The following ABCD2 variants were observed in gnomAD, a reference collection of about 807,000 sequenced individuals.
ABCD2 encodes the protein ATP-binding cassette sub-family D member 2.
Under a neutral mutation model 70.9 loss-of-function variants are expected in ABCD2, and 36 were observed. That is an observed-to-expected ratio of 0.51 (90% CI 0.39 to 0.67). ABCD2 has a LOEUF of 0.67. Among genes scored for constraint, ABCD2 ranks in the 30% least tolerant of loss-of-function variants. The pLI is 0.00. For missense variants in ABCD2, 729 were observed against 890.2 expected, an observed-to-expected ratio of 0.82 and a Z score of 2.30; for synonymous variants, 304 against 306.9, an observed-to-expected ratio of 0.99 and a Z score of 0.10.
chr12:39,614,555 T>TC (rs1342771857), intron 2 of ABCD2, among the ~76,000 whole-genome samples: 1 of 151,856 alleles, frequency 6.6e-6, no homozygotes, highest in Non-Finnish European at 1.5e-5. Context: ...TTTCTACCTT[T>TC]TTTTTTTGCC....
At chr12:39,611,503 T>C (rs1942044445) in intron 2 of ABCD2, among the ~76,000 whole-genome samples, 1 of 152,160 alleles carries the variant, frequency 6.6e-6, no homozygotes, top group South Asian at 2.1e-4. Flanking sequence ...TTGACAAATC[T>C]TGACAAAATT....
chr12:39,554,935 C>T (rs1198558868), intron 9 of ABCD2, among the ~76,000 whole-genome samples: 1 of 151,516 alleles, frequency 6.6e-6, no homozygotes, highest in African/African-American at 2.4e-5. Context: ...TCTGCCTTCC[C>T]TTATAGTTTT....
chr12:39,534,521 T>C, the ABCD2 span, among the ~76,000 whole-genome samples: 1 of 151,908 alleles, frequency 6.6e-6, no homozygotes, highest in Admixed American at 6.6e-5. Context: ...TCAGAAAATA[T>C]TGACTCTAGG....
intron 9 of ABCD2, among the ~76,000 whole-genome samples, chr12:39,563,870 T>C (rs970664674): frequency 6.6e-6 from 1 of 152,158 alleles, no homozygotes; most frequent in Non-Finnish European, 1.5e-5. Flanking sequence ...AGTGAGAACA[T>C]GTGGTGTTTG....
intron 8 of ABCD2, 66 bp downstream of exon 8, chr12:39,579,469 G>T (rs1941566354): frequency 8.9e-7 from 1 of 1,126,892 alleles, no homozygotes; most frequent in Non-Finnish European, 1.3e-6. Flanking sequence ...AACTTTTGTT[G>T]TTCCTATTGT....
At chr12:39,617,939 AG>A (rs895772971) in intron 1 of ABCD2, among the ~76,000 whole-genome samples, 1 of 152,054 alleles carries the variant, frequency 6.6e-6, no homozygotes, top group Admixed American at 6.6e-5. Flanking sequence ...TAATTGTTTT[AG>A]GGATCTGCTT....
chr12:39,599,484 G>A (rs1184675419), intron 6 of ABCD2, among the ~76,000 whole-genome samples: 1 of 152,164 alleles, frequency 6.6e-6, no homozygotes, highest in Non-Finnish European at 1.5e-5. Flanking sequence ...AATGCTTTTG[G>A]TGTCACAAAA....
chr12:39,546,901 C>T (rs1454327703), downstream of ABCD2, among the ~76,000 whole-genome samples: 1 of 150,280 alleles, frequency 6.7e-6, no homozygotes, highest in East Asian at 1.9e-4. Context: ...GAATGAAGAA[C>T]AGAGGAATGG....
At chr12:39,590,837 G>C (rs1323100540) in intron 6 of ABCD2, among the ~76,000 whole-genome samples, 1 of 151,790 alleles carries the variant, frequency 6.6e-6, no homozygotes, top group African/African-American at 2.4e-5. Flanking sequence ...AGAAAGAATG[G>C]GAAAGCACTG....
intron 7 of ABCD2, among the ~76,000 whole-genome samples, chr12:39,585,633 T>C (rs1321927857): frequency 7.2e-5 from 11 of 152,146 alleles, no homozygotes; most frequent in Admixed American, 7.2e-4. Flanking sequence ...TGTACAAATG[T>C]TATTTATACT....
chr12:39,558,750 CT>C (rs1299798931), intron 9 of ABCD2, among the ~76,000 whole-genome samples: 41 of 152,114 alleles, frequency 2.7e-4, no homozygotes, highest in Non-Finnish European at 1.5e-5. Context: ...AGCCTCTTTT[CT>C]TTATAAATTA....
intron 6 of ABCD2, among the ~76,000 whole-genome samples, chr12:39,594,609 A>G (rs1941790224): frequency 6.6e-6 from 1 of 152,150 alleles, no homozygotes. Context: ...ACCAAAGAAA[A>G]CATAAATATA....
intron 8 of ABCD2, among the ~76,000 whole-genome samples, chr12:39,575,615 G>A (rs1481624439): frequency 6.6e-6 from 1 of 152,224 alleles, no homozygotes; most frequent in Non-Finnish European, 1.5e-5. Context: ...AGTACTTCCT[G>A]CTAAAGTTCT....
chr12:39,597,406 G>A (rs1353174496), intron 6 of ABCD2, among the ~76,000 whole-genome samples: 1 of 152,270 alleles, frequency 6.6e-6, no homozygotes, highest in East Asian at 1.9e-4. Context: ...CTTACCAGGG[G>A]ATTAGGAAGT....
At chr12:39,587,164 A>T (rs1941677272) in intron 6 of ABCD2, among the ~76,000 whole-genome samples, 2 of 152,192 alleles carry the variant, frequency 1.3e-5, no homozygotes, top group Admixed American at 1.3e-4. Flanking sequence ...ATACAACATA[A>T]ATACCCATAC....
At chr12:39,536,606 TTTGTTGTTG>T in the ABCD2 span, among the ~76,000 whole-genome samples, 1 of 152,138 alleles carries the variant, frequency 6.6e-6, no homozygotes, top group Non-Finnish European at 1.5e-5. Context: ...GAGGAGAGTT[TTTGTTGTTG>T]TTGTTGTTGT....
Position 39,573,654 on chromosome 12 carries a change from G to A in ABCD2, c.2003+62C>T, listed in dbSNP as rs1941477766. 43 of 1,558,968 alleles carry A rather than the reference G, an allele frequency of 2.8e-5. No individual in the cohort carries two copies. In the South Asian group the frequency reaches 5.1e-4, roughly 19 times the overall value. On this transcript the variant is annotated intron_variant, in intron 9 of 9. Coordinates refer to ENST00000308666, the MANE Select transcript of ABCD2 (RefSeq NM_005164.4). ...CCTCTACTGTGAAAAATTTAGCAAA[G>A]TTATTTTTTGAGAAATTTAAGGAAA...
chr12:39,578,822 TGGTTAAAAA>T (rs1419790670), intron 8 of ABCD2, among the ~76,000 whole-genome samples: 1 of 152,044 alleles, frequency 6.6e-6, no homozygotes, highest in East Asian at 1.9e-4. Flanking sequence ...GGCTGCTGAA[TGGTTAAAAA>T]GTTGACTTAC....
downstream of ABCD2, among the ~76,000 whole-genome samples, chr12:39,547,747 A>T (rs192067977): frequency 1.3e-5 from 2 of 152,244 alleles, no homozygotes; most frequent in Admixed American, 1.3e-4. Context: ...ATATGAATAT[A>T]GTTAACATTA....
Sources: allele counts gnomAD v4.1 joint callset (sites outside exome capture counted in the v4.1 genomes callset), GRCh38; gene constraint gnomAD v4.1.1; transcripts MANE v1.5; gene names NCBI Gene and HGNC (gene_info 2026-07-23, HGNC 2026-07-21).